Variants in SOX5 observed in about 807,000 individuals in gnomAD.
SOX5 encodes transcription factor SOX-5.
SOX5 carries 9 observed loss-of-function variants against 92.0 expected under a neutral mutation model. The observed-to-expected ratio is 0.10, with a 90% CI of 0.06 to 0.17. The LOEUF (loss-of-function observed/expected upper bound fraction) is 0.17. Among genes scored for constraint, SOX5 ranks in the 10% least tolerant of loss-of-function variants. SOX5 has a pLI of 1.00. For synonymous variants in SOX5, 344 were observed against 336.3 expected (o/e 1.02, Z -0.25); for missense variants, 642 against 944.5 (o/e 0.68, Z 4.20).
intron 4 of SOX5, among the ~76,000 whole-genome samples, chr12:23,956,279 A>T (rs1946268783): frequency 6.6e-6 from 1 of 151,880 alleles, no homozygotes; most frequent in Admixed American, 6.6e-5. Flanking sequence ...CTAAGCTGAA[A>T]GTTAGGAAAC....
At chr12:23,650,686 GTTTC>G (rs1337153475) in intron 7 of SOX5, among the ~76,000 whole-genome samples, 53 of 152,234 alleles carry the variant, frequency 3.5e-4, no homozygotes, top group Non-Finnish European at 5.1e-4. Flanking sequence ...TCCAGGGATA[GTTTC>G]ATTACCCCCA....
chr12:24,240,789 A>G (rs1594706264), intron 3 of SOX5, among the ~76,000 whole-genome samples: 1 of 152,198 alleles, frequency 6.6e-6, no homozygotes, highest in Non-Finnish European at 1.5e-5. Flanking sequence ...CTATCAAACA[A>G]TATCTACGGT....
At chr12:24,527,232 A>G (rs1057270272) in intron 1 of SOX5, among the ~76,000 whole-genome samples, 1 of 152,292 alleles carries the variant, frequency 6.6e-6, no homozygotes, top group South Asian at 2.1e-4. Context: ...TCACCAACCC[A>G]TGAGCTAGCT....
chr12:23,908,465 C>T (rs2097316275), intron 1 of SOX5, among the ~76,000 whole-genome samples: 1 of 152,038 alleles, frequency 6.6e-6, no homozygotes, highest in Non-Finnish European at 1.5e-5. Flanking sequence ...CTCACTCTTT[C>T]TTTCCATGCC....
chr12:23,667,257 G>C (rs2083966209), intron 6 of SOX5, among the ~76,000 whole-genome samples: 1 of 152,030 alleles, frequency 6.6e-6, no homozygotes, highest in Non-Finnish European at 1.5e-5. Context: ...GTTATTATTT[G>C]TATATAAAGC....
intron 1 of SOX5, among the ~76,000 whole-genome samples, chr12:24,439,153 C>T (rs11047439): frequency 0.29 from 44,731 of 152,122 alleles, 6,929 homozygotes; most frequent in Non-Finnish European, 0.35. Flanking sequence ...AAAAGGATTA[C>T]GACTCACTGA....
intron 2 of SOX5, among the ~76,000 whole-genome samples, chr12:24,364,564 T>C (rs1346586592): frequency 7.1e-6 from 1 of 141,758 alleles, no homozygotes; most frequent in Non-Finnish European, 1.5e-5. Flanking sequence ...ATTTGTTCTT[T>C]ATTCTTTACA....
At chr12:24,192,911 C>A (rs1232857349) in intron 4 of SOX5, among the ~76,000 whole-genome samples, 9 of 152,120 alleles carry the variant, frequency 5.9e-5, no homozygotes, top group Non-Finnish European at 1.0e-4. Context: ...GCTCCTCTTG[C>A]CATTATTTCT....
At chr12:23,671,662 T>C (rs749994715) in intron 6 of SOX5, among the ~76,000 whole-genome samples, 14 of 152,282 alleles carry the variant, frequency 9.2e-5, no homozygotes, top group South Asian at 2.1e-4. Context: ...CTCAATGCAA[T>C]GGTCTTTAGG....
At chr12:23,989,218 CAAAAAAAAAA>C (rs554892984) in intron 4 of SOX5, among the ~76,000 whole-genome samples, 1,429 of 104,474 alleles carry the variant, frequency 0.014, 19 homozygotes, top group Non-Finnish European at 0.018. Flanking sequence ...GCCAAAAATA[CAAAAAAAAAA>C]AAAAAAAAAA....
intron 1 of SOX5, among the ~76,000 whole-genome samples, chr12:24,447,898 T>C (rs11047446): frequency 0.23 from 35,357 of 151,974 alleles, 4,955 homozygotes; most frequent in East Asian, 0.67. Context: ...TTCTTAAGTG[T>C]GGCCGGGCGT....
intron 5 of SOX5, among the ~76,000 whole-genome samples, chr12:23,736,815 C>T (rs561689956): frequency 1.3e-5 from 2 of 151,486 alleles, no homozygotes; most frequent in South Asian, 2.1e-4. Flanking sequence ...CTCAGCCTCC[C>T]GAGTAGCTGA....
intron 1 of SOX5, among the ~76,000 whole-genome samples, chr12:24,464,955 G>A (rs1944061497): frequency 1.3e-5 from 2 of 152,228 alleles, no homozygotes; most frequent in Admixed American, 1.3e-4. Context: ...AACAAGTCCA[G>A]GATAGCTGCA....
At chr12:24,282,168 G>A (rs963862135) in intron 2 of SOX5, among the ~76,000 whole-genome samples, 4 of 152,008 alleles carry the variant, frequency 2.6e-5, no homozygotes, top group Admixed American at 6.6e-5. Flanking sequence ...CAATAAATGC[G>A]ATATCTTTAG....
chr12:24,327,862 AT>A lies in SOX5; in HGVS notation c.-174+40700del, dbSNP rs143088874. On this transcript the variant is annotated intron_variant, in intron 2 of 4. Coordinates refer to the SOX5 transcript ENST00000446891. The stretch of plus-strand genomic sequence containing the variant: ...CCGCCTCAGCCTCCCATAATTTCGT[AT>A]TTTTTTTTTGGTAGAGCTGGGTTTC... Among the ~76,000 whole-genome samples the A allele has an allele frequency of 8.2e-3, 1,207 of 146,836 alleles. 14 individuals carry two copies. The highest frequency in any genetic ancestry group is 0.028 in the African/African-American group (1,130 of 40,318).
At chr12:24,249,498 T>C (rs1279264662) in intron 3 of SOX5, among the ~76,000 whole-genome samples, 1 of 152,228 alleles carries the variant, frequency 6.6e-6, no homozygotes, top group Non-Finnish European at 1.5e-5. Flanking sequence ...TTTCTAATCT[T>C]ACATCTAATC....
chr12:24,222,259 C>T (rs1403168403), intron 3 of SOX5, among the ~76,000 whole-genome samples: 4 of 152,078 alleles, frequency 2.6e-5, no homozygotes, highest in Admixed American at 2.6e-4. Flanking sequence ...CAAAAATGTC[C>T]CTATTTATTT....
intron 4 of SOX5, among the ~76,000 whole-genome samples, chr12:23,986,862 C>T (rs567559411): frequency 1.9e-4 from 29 of 152,040 alleles, no homozygotes; most frequent in Non-Finnish European, 2.9e-4. Flanking sequence ...TTTTTTAATA[C>T]GTAATTCTTT....
At position 23,534,407 on chromosome 12, in the gene SOX5, G is replaced by T; in HGVS notation, c.2104C>A (p.Pro702Thr). The change falls in exon 15 of 15, where the codon CCA becomes ACA. Residue 702 changes from proline to threonine, a missense_variant. Pro to Thr is a conservative substitution (Grantham distance 38). This residue lies in a region of SOX5 where 130 missense variants were observed against 140.6 expected (regional missense o/e 0.92). Transcript: ENST00000451604. ...TGGATAACAGGCATCCCAGGCTCTGGGCTGCTAGACACGCTTGAGTGCTCC... is the reference window on the plus strand; with the variant it reads ...TGGATAACAGGCATCCCAGGCTCTGTGCTGCTAGACACGCTTGAGTGCTCC... The part of the protein sequence containing the change: ...PSEHSSVSSS[P>T]EPGMPVIQST... 1 of 1,614,068 alleles carries T rather than the reference G, an allele frequency of 6.2e-7. No individual in the cohort carries two copies. The highest frequency in any genetic ancestry group is 8.5e-7 in the Non-Finnish European group (1 of 1,180,012).
Sources: allele counts gnomAD v4.1 joint callset (sites outside exome capture counted in the v4.1 genomes callset), GRCh38; gene constraint gnomAD v4.1.1; regional missense constraint gnomAD v4.1.1; transcripts MANE v1.5; gene names NCBI Gene and HGNC (gene_info 2026-07-23, HGNC 2026-07-21).